Variants in TENM3 observed in about 807,000 individuals in gnomAD.
TENM3 encodes teneurin transmembrane protein 3.
A neutral mutation model predicts 255.1 loss-of-function variants in TENM3; 63 were observed. The observed-to-expected ratio is 0.25, with a 90% confidence interval of 0.20 to 0.30. The LOEUF is 0.30. Ranked by LOEUF, TENM3 falls within the 10% of genes least tolerant of loss-of-function variation. The probability of loss-of-function intolerance (pLI) is 1.00; values close to 1 mark genes in which losing one functional copy is unlikely to be tolerated. For synonymous variants in TENM3, 1,306 were observed against 1,322.3 expected, an observed-to-expected ratio of 0.99 and a Z score of 0.27; for missense variants, 2,929 against 3,461.1, an observed-to-expected ratio of 0.85 and a Z score of 3.86.
chr4:182,285,235 A>T (rs1185456942), intron 1 of TENM3, among the ~76,000 whole-genome samples: 2 of 152,088 alleles, frequency 1.3e-5, no homozygotes, highest in Non-Finnish European at 1.5e-5. Flanking sequence ...AAAATTCAGT[A>T]TACCTAGGTT....
chr4:181,553,692 C>T, the TENM3 span, among the ~76,000 whole-genome samples: 57 of 152,206 alleles, frequency 3.7e-4, no homozygotes, highest in African/African-American at 5.8e-4. Context: ...CTGCCCGCCT[C>T]GGCCTCCCAA....
At chr4:181,498,872 G>A in the TENM3 span, among the ~76,000 whole-genome samples, 1 of 152,090 alleles carries the variant, frequency 6.6e-6, no homozygotes, top group African/African-American at 2.4e-5. Flanking sequence ...CTAGGAGAAG[G>A]GTTAGATAAT....
At chr4:181,685,211 A>G in the TENM3 span, among the ~76,000 whole-genome samples, 1 of 152,038 alleles carries the variant, frequency 6.6e-6, no homozygotes, top group Non-Finnish European at 1.5e-5. Flanking sequence ...CCTCTGGTGG[A>G]GATTTTTATT....
the TENM3 span, among the ~76,000 whole-genome samples, chr4:181,487,561 C>T: frequency 1.3e-5 from 2 of 152,124 alleles, no homozygotes; most frequent in African/African-American, 2.4e-5. Flanking sequence ...GGGTAATAAT[C>T]TCACTCAAGG....
the TENM3 span, among the ~76,000 whole-genome samples, chr4:181,759,572 C>T: frequency 6.6e-6 from 1 of 151,994 alleles, no homozygotes; most frequent in Non-Finnish European, 1.5e-5. Flanking sequence ...GTATTTGCAC[C>T]AAGCAATATA....
At position 182,793,550 on chromosome 4, in the gene TENM3, A is replaced by G. The variant is rs1417930306; in HGVS notation, c.6878A>G (p.Tyr2293Cys). The G allele has an allele frequency of 5.0e-6, 8 of 1,613,874 alleles. No homozygotes were observed. The East Asian group carries it at 6.7e-5, about 13-fold the overall frequency. ...GAAATCAGCAGTGGGGATGAATTCT[A>G]TATTGCATCGGATAACACAGGGACA... ...AMEISSGDEF[Y>C]IASDNTGTPL... Residue 2293 changes from tyrosine to cysteine, a missense_variant, in exon 26 of 28, where the codon TAT becomes TGT. By Grantham distance (194) the Tyr-to-Cys change is radical. This residue lies in a region of TENM3 where 256 missense variants were observed against 389.3 expected (regional missense o/e 0.66). Coordinates refer to ENST00000511685, the MANE Select transcript of TENM3 (RefSeq NM_001080477.4). The surrounding 1 kb of genome is among the most constrained non-coding windows in gnomAD (Gnocchi z 5.7).
chr4:182,405,353 C>T (rs1769491464), intron 3 of TENM3, among the ~76,000 whole-genome samples: 8 of 152,162 alleles, frequency 5.3e-5, no homozygotes, highest in Admixed American at 5.2e-4. Flanking sequence ...TGATCCTTAC[C>T]TCTCTCGTCA....
intron 1 of TENM3, among the ~76,000 whole-genome samples, chr4:182,222,383 A>G (rs1011737671): frequency 2.0e-5 from 3 of 152,248 alleles, no homozygotes; most frequent in Admixed American, 1.3e-4. Flanking sequence ...CTTCCTGCTC[A>G]CATTCCAAAC....
chr4:181,450,431 GTT>G, the TENM3 span, among the ~76,000 whole-genome samples: 1 of 152,086 alleles, frequency 6.6e-6, no homozygotes, highest in South Asian at 2.1e-4. Flanking sequence ...GAACACAATC[GTT>G]TTCTTCCTAG....
the TENM3 span, among the ~76,000 whole-genome samples, chr4:181,614,947 G>A: frequency 6.6e-6 from 1 of 152,188 alleles, no homozygotes; most frequent in Non-Finnish European, 1.5e-5. Context: ...CTAGCTTGTA[G>A]AGTGAATCAG....
intron 3 of TENM3, among the ~76,000 whole-genome samples, chr4:182,447,201 A>T (rs1772993817): frequency 6.6e-6 from 1 of 152,080 alleles, no homozygotes; most frequent in African/African-American, 2.4e-5. Context: ...GGAGGAATAG[A>T]CAGGCTGGTT....
chr4:182,371,229 TCACACACACACA>T (rs3221610), intron 3 of TENM3, among the ~76,000 whole-genome samples: 2 of 144,314 alleles, frequency 1.4e-5, no homozygotes, highest in East Asian at 2.1e-4. Context: ...CTCCTCCCCA[TCACACACACACA>T]CACACACACA....
At chr4:182,259,936 T>C (rs1485704863) in intron 1 of TENM3, among the ~76,000 whole-genome samples, 1 of 152,050 alleles carries the variant, frequency 6.6e-6, no homozygotes, top group African/African-American at 2.4e-5. Flanking sequence ...TCTTCTTGGT[T>C]TCTGGTGAGA....
chr4:182,784,158 T>C (rs1006606914), intron 24 of TENM3, among the ~76,000 whole-genome samples: 5 of 152,280 alleles, frequency 3.3e-5, no homozygotes, highest in Admixed American at 2.0e-4. Context: ...AGTTTTTCTG[T>C]TCTGTTTTTT....
chr4:182,286,128 G>T (rs1012416698), intron 1 of TENM3, among the ~76,000 whole-genome samples: 1 of 152,152 alleles, frequency 6.6e-6, no homozygotes. Flanking sequence ...CCCCTAAACT[G>T]CAGGGCATGT....
chr4:181,486,729 A>G, the TENM3 span, among the ~76,000 whole-genome samples: 126 of 152,310 alleles, frequency 8.3e-4, 4 homozygotes, highest in South Asian at 0.014. Flanking sequence ...GCATAGTCTT[A>G]ACATAAAAAT....
At chr4:181,807,304 C>A in the TENM3 span, among the ~76,000 whole-genome samples, 1 of 152,288 alleles carries the variant, frequency 6.6e-6, no homozygotes, top group African/African-American at 2.4e-5. Context: ...AAAGAAATAA[C>A]GTATTAAATG....
chr4:182,060,702 C>T, the TENM3 span, among the ~76,000 whole-genome samples: 1 of 152,152 alleles, frequency 6.6e-6, no homozygotes, highest in Non-Finnish European at 1.5e-5. Context: ...TACACACACA[C>T]ACATACAGAA....
chr4:181,503,931 G>C, the TENM3 span, among the ~76,000 whole-genome samples: 1 of 152,178 alleles, frequency 6.6e-6, no homozygotes, highest in Admixed American at 6.5e-5. Context: ...GTGTCTCCAA[G>C]CAGTGTAGTA....
Sources: gnomAD v4.1 joint callset for allele counts (sites outside exome capture counted in the v4.1 genomes callset) on GRCh38, gnomAD v4.1.1 for gene constraint, gnomAD v4.1.1 regional missense constraint, Gnocchi (gnomAD v3.1) non-coding constraint, MANE v1.5 for transcripts, NCBI Gene and HGNC (gene_info 2026-07-23, HGNC 2026-07-21) for gene names.